The following EPG5 variants were observed in gnomAD, a reference collection of about 807,000 sequenced individuals.
The protein encoded by EPG5 is ectopic P granules protein 5 homolog.
EPG5 carries 159 observed loss-of-function variants against 302.7 expected under a neutral mutation model. The ratio of observed to expected loss-of-function variants is 0.53; its 90% confidence interval spans 0.46 to 0.60. The LOEUF (loss-of-function observed/expected upper bound fraction) is 0.60, where lower values mean the gene tolerates loss of function less well. Ranked by LOEUF, EPG5 falls within the 20% of genes least tolerant of loss-of-function variation. EPG5 has a pLI of 0.00. For synonymous variants in EPG5, 1,158 were observed against 1,136.8 expected (o/e 1.02, Z -0.37); for missense variants, 2,896 against 3,092.4 (o/e 0.94, Z 1.51).
the EPG5 span, among the ~76,000 whole-genome samples, chr18:45,833,487 A>G: frequency 1.3e-5 from 2 of 151,796 alleles, no homozygotes; most frequent in Non-Finnish European, 2.9e-5. Flanking sequence ...TTATTTTTGT[A>G]TTTTTAGTAG....
At chr18:45,912,182 A>G in intron 22 of EPG5, 108 bp downstream of exon 22, 1 of 1,045,942 alleles carries the variant, frequency 9.6e-7, no homozygotes, top group South Asian at 2.2e-5. Flanking sequence ...ACCAGAGATC[A>G]CCAAAGAATG....
intron 14 of EPG5, among the ~76,000 whole-genome samples, chr18:45,924,508 A>C (rs2050227984): frequency 6.6e-6 from 1 of 152,212 alleles, no homozygotes; most frequent in South Asian, 2.1e-4. Flanking sequence ...CTCAGAACAA[A>C]ACCTGTCAGA....
At chr18:45,940,902 G>A (rs12957534) in intron 9 of EPG5, among the ~76,000 whole-genome samples, 65 of 152,220 alleles carry the variant, frequency 4.3e-4, no homozygotes, top group Admixed American at 9.2e-4. Context: ...GTTTGGGAAG[G>A]GGGGAGAGTG....
the EPG5 span, chr18:45,838,555 T>A: frequency 7.0e-3 from 6,214 of 881,444 alleles, 234 homozygotes; most frequent in African/African-American, 0.091. Flanking sequence ...GCAGAGATGA[T>A]AGAATCTTTC....
the EPG5 span, among the ~76,000 whole-genome samples, chr18:45,803,579 C>A: frequency 6.6e-6 from 1 of 152,090 alleles, no homozygotes; most frequent in Non-Finnish European, 1.5e-5. Context: ...GAGGGCAACC[C>A]CAGCTGCTAG....
chr18:45,830,878 G>A, the EPG5 span, among the ~76,000 whole-genome samples: 216 of 152,110 alleles, frequency 1.4e-3, no homozygotes, highest in African/African-American at 3.2e-3. Flanking sequence ...GATTACAGGC[G>A]TGAGCCACCG....
chr18:45,887,032 CT>C (rs1236920139), intron 29 of EPG5, among the ~76,000 whole-genome samples: 1 of 152,210 alleles, frequency 6.6e-6, no homozygotes, highest in African/African-American at 2.4e-5. Flanking sequence ...TTCAGCATTA[CT>C]TCCTTGTAAG....
At chr18:45,857,699 CTCTGTTTTTTTTT>C (rs2048543536) in intron 42 of EPG5, 141 bp downstream of exon 42, 7 of 599,212 alleles carry the variant, frequency 1.2e-5, no homozygotes, top group Non-Finnish European at 1.4e-5. Flanking sequence ...TGTAATCAGG[CTCTGTTTTTTTTT>C]TCTTTTTTTT....
chr18:45,914,354 A>G (rs1207183594), intron 20 of EPG5, among the ~76,000 whole-genome samples: 2 of 152,244 alleles, frequency 1.3e-5, no homozygotes, highest in African/African-American at 4.8e-5. Context: ...AGGTAACAGC[A>G]AGGAGTTTGT....
intron 14 of EPG5, 50 bp from the exon 15 acceptor site, chr18:45,923,437 T>C (rs1183696328): frequency 1.9e-6 from 3 of 1,580,292 alleles, no homozygotes; most frequent in Admixed American, 1.8e-5. Flanking sequence ...TTTTGTTTTG[T>C]TTTTGTACCT....
At chr18:45,838,790 A>G in the EPG5 span, 3 of 1,563,802 alleles carry the variant, frequency 1.9e-6, no homozygotes, top group Non-Finnish European at 2.6e-6. Flanking sequence ...TGCACTGCCG[A>G]AGGGGAGCCG....
At chr18:45,857,824 A>G (rs2048547194) in intron 42 of EPG5, 29 bp downstream of exon 42, 1 of 1,596,640 alleles carries the variant, frequency 6.3e-7, no homozygotes, top group African/African-American at 1.3e-5. Context: ...CCTATTTAGA[A>G]CAACAGTGTT....
At position 45,925,723 on chromosome 18, in the gene EPG5, G is replaced by T. The variant is rs2050252535; in HGVS notation, c.2718+15C>A. 2 of 1,486,224 alleles carry T rather than the reference G, an allele frequency of 1.3e-6. No individual in the cohort carries two copies. Among genetic ancestry groups the T allele is most frequent in the Admixed American group, 2.6e-5 (1 of 39,024 alleles). The allele number at this position is 1,486,224 out of a possible 1,614,324, so 92.1% of individuals were successfully genotyped here. On this transcript the variant is annotated intron_variant, in intron 14 of 43. Transcript: ENST00000282041. ...GTACAACCTCCAGTCTCCAGGGAAT[G>T]GTTTGAACACATACCTGTTTAGCAA...
intron 32 of EPG5, among the ~76,000 whole-genome samples, chr18:45,879,765 G>C (rs2049050824): frequency 6.6e-6 from 1 of 152,168 alleles, no homozygotes; most frequent in Non-Finnish European, 1.5e-5. Flanking sequence ...AAAACCCAGA[G>C]CTCCATGGGA....
At chr18:45,838,747 C>T in the EPG5 span, 2 of 1,583,104 alleles carry the variant, frequency 1.3e-6, no homozygotes, top group Non-Finnish European at 1.7e-6. Context: ...CATCTCGGTG[C>T]TGCCCAGTCC....
rs779658335 is a variant in EPG5 at position 45,928,928 on chromosome 18, G to C, written c.2494C>G (p.Pro832Ala). The part of the protein sequence containing the change: ...ELLGTITAVH[P>A]EIISVLLDRV... ...TCCAGAAGGACGGAAATTATCTCAG[G>C]GTGAACAGCTGTGATAGTCCCTAAA... is the stretch of plus-strand genomic sequence containing the variant. Residue 832 changes from proline to alanine, a missense_variant, in exon 13 of 44, where the codon CCT (proline) becomes GCT (alanine). Coordinates refer to ENST00000282041, the MANE Select transcript of EPG5 (RefSeq NM_020964.3). 2.4e-5 allele frequency: 39 copies of C among 1,613,484 alleles called. No individual in the cohort carries two copies. Among genetic ancestry groups the C allele is most frequent in the Admixed American group, 3.3e-5 (2 of 59,992 alleles).
At chr18:45,878,295 C>T (rs750895891) in intron 34 of EPG5, 81 bp downstream of exon 34, 1 of 904,268 alleles carries the variant, frequency 1.1e-6, no homozygotes, top group Non-Finnish European at 1.8e-6. Context: ...AATCTGTGAA[C>T]TCATCACTTC....
chr18:45,812,640 A>G, the EPG5 span, among the ~76,000 whole-genome samples: 1 of 152,358 alleles, frequency 6.6e-6, no homozygotes, highest in Non-Finnish European at 1.5e-5. Context: ...CTGATCTTTG[A>G]CAAACCTGAC....
intron 34 of EPG5, among the ~76,000 whole-genome samples, chr18:45,876,787 T>A (rs891476281): frequency 1.5e-4 from 21 of 144,546 alleles, no homozygotes; most frequent in African/African-American, 4.4e-4. Context: ...GCAAATAAAA[T>A]TTTTTTTTTT....
Sources: allele counts gnomAD v4.1 joint callset (sites outside exome capture counted in the v4.1 genomes callset), GRCh38; gene constraint gnomAD v4.1.1; transcripts MANE v1.5; gene names NCBI Gene and HGNC (gene_info 2026-07-23, HGNC 2026-07-21).